FGGY: variants seen among roughly 807,000 people sequenced by gnomAD.
The protein encoded by FGGY is FGGY carbohydrate kinase domain containing.
Under a neutral mutation model 71.3 loss-of-function variants are expected in FGGY, and 72 were observed. The ratio of observed to expected loss-of-function variants is 1.01; its 90% CI spans 0.84 to 1.23. The LOEUF is 1.23. FGGY is among the 50% of genes most tolerant of loss of function. The pLI, the probability that FGGY is intolerant of heterozygous loss-of-function variation, is 0.00. For missense variants in FGGY, 668 were observed against 682.3 expected (o/e 0.98, Z 0.23); for synonymous variants, 251 against 250.3 (o/e 1.00, Z -0.02).
intron 4 of FGGY, among the ~76,000 whole-genome samples, chr1:59,378,198 T>C (rs111752854): frequency 0.012 from 1,837 of 152,306 alleles, 26 homozygotes; most frequent in South Asian, 0.03. Flanking sequence ...TCATCTTCAA[T>C]TGTAGCTCCC....
Position 59,447,582 on chromosome 1 carries a change from G to C in FGGY, c.555-9379G>C, listed in dbSNP as rs368656298. Among the ~76,000 whole-genome samples the C allele has an allele frequency of 2.0e-5, 3 of 152,154 alleles. No individual in the cohort carries two copies. The East Asian group carries it at 5.8e-4, about 29-fold the overall frequency. Reference sequence around the variant, plus strand: ...CTCTGGTAATTCCCATGTGTTATGGGAGGGACCCAGTGGGAGATAATTGAA... The same window carrying C: ...CTCTGGTAATTCCCATGTGTTATGGCAGGGACCCAGTGGGAGATAATTGAA... On this transcript the variant is annotated intron_variant, in intron 5 of 15. Coordinates refer to ENST00000303721, the MANE Select transcript of FGGY (RefSeq NM_018291.5).
intron 11 of FGGY, among the ~76,000 whole-genome samples, chr1:59,645,614 A>G (rs2097086375): frequency 6.6e-6 from 1 of 152,192 alleles, no homozygotes; most frequent in Admixed American, 6.5e-5. Context: ...CATTGTAGGA[A>G]TTTTCAAAGA....
intron 8 of FGGY, among the ~76,000 whole-genome samples, chr1:59,599,795 A>T (rs2096560165): frequency 6.6e-6 from 1 of 152,080 alleles, no homozygotes; most frequent in Non-Finnish European, 1.5e-5. Context: ...AGAGTTGAGA[A>T]AGAAAATGGC....
chr1:59,648,309 C>T (rs1338732423), intron 11 of FGGY, among the ~76,000 whole-genome samples: 23 of 128,432 alleles, frequency 1.8e-4, no homozygotes, highest in Non-Finnish European at 3.2e-4. Context: ...TTCTAGATCC[C>T]TGAGGAATCG....
intron 7 of FGGY, among the ~76,000 whole-genome samples, chr1:59,552,354 G>T (rs1195814896): frequency 6.6e-6 from 1 of 152,204 alleles, no homozygotes; most frequent in Non-Finnish European, 1.5e-5. Flanking sequence ...TCTATTGCCT[G>T]GTTGTGGATA....
intron 9 of FGGY, among the ~76,000 whole-genome samples, chr1:59,619,596 G>A (rs1049093083): frequency 2.6e-5 from 4 of 152,034 alleles, no homozygotes; most frequent in African/African-American, 4.8e-5. Flanking sequence ...TATGGGAATA[G>A]CAACAAGGTC....
chr1:59,406,764 T>G (rs923672171), intron 5 of FGGY, among the ~76,000 whole-genome samples: 1 of 152,212 alleles, frequency 6.6e-6, no homozygotes, highest in African/African-American at 2.4e-5. Flanking sequence ...CTTTCTCCTT[T>G]TCTCCTTGCT....
intron 7 of FGGY, among the ~76,000 whole-genome samples, chr1:59,518,514 T>G (rs1285672548): frequency 6.6e-6 from 1 of 152,234 alleles, no homozygotes; most frequent in Non-Finnish European, 1.5e-5. Flanking sequence ...CTCATGCAAA[T>G]TGTAATCCCC....
chr1:59,519,114 C>A (rs573203690), intron 7 of FGGY, among the ~76,000 whole-genome samples: 1 of 152,234 alleles, frequency 6.6e-6, no homozygotes, highest in Non-Finnish European at 1.5e-5. Context: ...GACTACCTAA[C>A]ATTCTGAGCT....
At chr1:59,384,123 C>T (rs1202552060) in intron 5 of FGGY, among the ~76,000 whole-genome samples, 2 of 152,174 alleles carry the variant, frequency 1.3e-5, no homozygotes, top group Non-Finnish European at 2.9e-5. Context: ...GTTTAATGCT[C>T]AGAAATGATT....
intron 7 of FGGY, among the ~76,000 whole-genome samples, chr1:59,535,382 G>C (rs530357379): frequency 1.3e-5 from 2 of 152,072 alleles, no homozygotes; most frequent in Non-Finnish European, 2.9e-5. Flanking sequence ...CATTAATAAT[G>C]GGAGACTTTA....
At chr1:59,388,003 G>A (rs1167820180) in intron 5 of FGGY, among the ~76,000 whole-genome samples, 2 of 152,140 alleles carry the variant, frequency 1.3e-5, no homozygotes, top group African/African-American at 4.8e-5. Flanking sequence ...TTAGCTAAAT[G>A]AGGAGTGAAA....
chr1:59,502,624 A>G (rs1570298632), intron 6 of FGGY, among the ~76,000 whole-genome samples: 3 of 152,070 alleles, frequency 2.0e-5, no homozygotes, highest in Admixed American at 6.5e-5. Flanking sequence ...TGAGCTTCCT[A>G]CTCCAGGTGG....
intron 5 of FGGY, among the ~76,000 whole-genome samples, chr1:59,406,842 A>G (rs755259859): frequency 5.3e-5 from 8 of 152,180 alleles, no homozygotes; most frequent in Admixed American, 2.6e-4. Context: ...ATTTACTTAA[A>G]TTATATATGC....
rs541758348 is a variant in FGGY at position 59,592,166 on chromosome 1, A to C, written c.904-15637A>C. Among the ~76,000 whole-genome samples, 121 of 150,754 alleles carry C rather than the reference A, an allele frequency of 8.0e-4. 1 individual carries two copies. The highest frequency in any genetic ancestry group is 2.6e-3 in the African/African-American group (105 of 40,966). On this transcript the variant is annotated intron_variant, in intron 8 of 15. Transcript: ENST00000303721. The stretch of plus-strand genomic sequence containing the variant: ...TCTCAAAAGAAGACATTTATGCAGC[A>C]AAAAAACACATGAAAAAATGCTCAC...
At chr1:59,392,438 C>T (rs532600541) in intron 5 of FGGY, among the ~76,000 whole-genome samples, 2 of 152,170 alleles carry the variant, frequency 1.3e-5, no homozygotes, top group African/African-American at 4.8e-5. Flanking sequence ...ACTTGGGGCC[C>T]CTGGCACCCA....
At chr1:59,451,154 T>A (rs550412690) in intron 5 of FGGY, among the ~76,000 whole-genome samples, 1 of 152,170 alleles carries the variant, frequency 6.6e-6, no homozygotes, top group African/African-American at 2.4e-5. Context: ...CTTTATTCCC[T>A]TTTATTCCTT....
At chr1:59,726,330 AATATT>A (rs1365596892) in intron 14 of FGGY, among the ~76,000 whole-genome samples, 2 of 152,036 alleles carry the variant, frequency 1.3e-5, no homozygotes, top group African/African-American at 4.8e-5. Context: ...TTGATTTGCT[AATATT>A]ATATTAAGAA....
At chr1:59,642,419 G>A (rs1294785080) in intron 11 of FGGY, among the ~76,000 whole-genome samples, 1 of 152,008 alleles carries the variant, frequency 6.6e-6, no homozygotes, top group African/African-American at 2.4e-5. Context: ...GAGGTCAGGG[G>A]TTCGAGACCA....
Sources: allele counts gnomAD v4.1 joint callset (sites outside exome capture counted in the v4.1 genomes callset), GRCh38; gene constraint gnomAD v4.1.1; transcripts MANE v1.5; gene names NCBI Gene and HGNC (gene_info 2026-07-23, HGNC 2026-07-21).